CHN2: variants seen among roughly 807,000 people sequenced by gnomAD.
CHN2 encodes the protein beta-chimaerin.
CHN2 carries 35 observed loss-of-function variants against 56.3 expected under a neutral mutation model. That is an observed-to-expected ratio of 0.62 (90% CI 0.47 to 0.82). The LOEUF (loss-of-function observed/expected upper bound fraction) is 0.82, where lower values mean the gene tolerates loss of function less well. CHN2 is among the 40% of genes least tolerant of loss of function. CHN2 has a pLI of 0.00. For missense variants in CHN2, 491 were observed against 580.5 expected, an observed-to-expected ratio of 0.85 and a Z score of 1.58; for synonymous variants, 210 against 212.8, an observed-to-expected ratio of 0.99 and a Z score of 0.12.
At chr7:29,351,603 G>A (rs781160017) in intron 1 of CHN2, among the ~76,000 whole-genome samples, 33 of 152,210 alleles carry the variant, frequency 2.2e-4, no homozygotes, top group Non-Finnish European at 4.1e-4. Flanking sequence ...AGCCCTATGC[G>A]ATGGAGCCAG....
chr7:29,385,538 A>G (rs150893102), intron 3 of CHN2, among the ~76,000 whole-genome samples: 3 of 152,316 alleles, frequency 2.0e-5, no homozygotes, highest in African/African-American at 7.2e-5. Context: ...GGGACCTGGT[A>G]TGCTAAGGAC....
At chr7:29,334,346 C>G (rs1796454297) in intron 1 of CHN2, among the ~76,000 whole-genome samples, 2 of 152,136 alleles carry the variant, frequency 1.3e-5, no homozygotes, top group South Asian at 4.1e-4. Context: ...TTCATAGTGA[C>G]TATTTTACCC....
chr7:29,442,308 G>C (rs1783705031), intron 6 of CHN2, among the ~76,000 whole-genome samples: 1 of 152,166 alleles, frequency 6.6e-6, no homozygotes, highest in African/African-American at 2.4e-5. Flanking sequence ...TGCATCTCAG[G>C]TTACAGTGGC....
intron 3 of CHN2, among the ~76,000 whole-genome samples, chr7:29,378,708 G>A (rs1448011126): frequency 6.6e-6 from 1 of 152,248 alleles, no homozygotes; most frequent in African/African-American, 2.4e-5. Flanking sequence ...GCTCATGCCT[G>A]TAATCCCAGC....
Position 29,318,493 on chromosome 7 carries a change from A to T in CHN2, c.50-36132A>T, listed in dbSNP as rs138463471. Among the ~76,000 whole-genome samples the T allele has an allele frequency of 6.9e-4, 105 of 152,244 alleles. 1 individual carries two copies. The highest frequency in any genetic ancestry group is 7.7e-4 in the East Asian group (4 of 5,170). On this transcript the variant is annotated intron_variant, in intron 1 of 12. Transcript: ENST00000222792. ...GCCATGTGGAATTCATCCAGGCCTG[A>T]GGGGGCTGCTGAGCCTGTCCTGGGA... is the stretch of plus-strand genomic sequence containing the variant.
chr7:29,437,973 G>A (rs2128121315), intron 6 of CHN2, among the ~76,000 whole-genome samples: 1 of 152,298 alleles, frequency 6.6e-6, no homozygotes, highest in African/African-American at 2.4e-5. Flanking sequence ...TGGATTTCTA[G>A]ATGATACTTT....
At chr7:29,398,251 T>C (rs7799981) in intron 4 of CHN2, 122 bp from the exon 5 acceptor site, 618,332 of 685,106 alleles carry the variant, frequency 0.9, 279,661 homozygotes, top group Non-Finnish European at 0.93. Context: ...GTCACCCCCC[T>C]TCTTCACTCA....
At chr7:29,442,786 T>C (rs898209676) in intron 6 of CHN2, among the ~76,000 whole-genome samples, 5 of 152,198 alleles carry the variant, frequency 3.3e-5, no homozygotes, top group Admixed American at 1.3e-4. Context: ...ATATTGTCAC[T>C]GATACTGCAT....
chr7:29,463,989 A>G (rs531765007), intron 6 of CHN2, among the ~76,000 whole-genome samples: 2 of 152,348 alleles, frequency 1.3e-5, no homozygotes, highest in South Asian at 4.2e-4. Flanking sequence ...CTCACCTCAT[A>G]GAAGAAAAAG....
intron 6 of CHN2, among the ~76,000 whole-genome samples, chr7:29,407,491 G>T (rs1388383545): frequency 6.6e-6 from 1 of 152,150 alleles, no homozygotes; most frequent in Non-Finnish European, 1.5e-5. Context: ...AGCTGGAAAA[G>T]ATCACTTGCA....
At chr7:29,319,004 G>C (rs1174842122) in intron 1 of CHN2, among the ~76,000 whole-genome samples, 2 of 152,182 alleles carry the variant, frequency 1.3e-5, no homozygotes, top group Admixed American at 6.5e-5. Context: ...AAGCTGACTT[G>C]TTCTCCACTC....
At chr7:29,459,568 T>C (rs1785002794) in intron 6 of CHN2, among the ~76,000 whole-genome samples, 2 of 152,202 alleles carry the variant, frequency 1.3e-5, no homozygotes, top group African/African-American at 2.4e-5. Flanking sequence ...TGTTTCATTG[T>C]CCAGGGTGGG....
At chr7:29,158,730 TGC>T (rs1794770997) in intron 2 of CHN2, among the ~76,000 whole-genome samples, 1 of 152,226 alleles carries the variant, frequency 6.6e-6, no homozygotes, top group South Asian at 2.1e-4. Flanking sequence ...CTGGAGATTT[TGC>T]TTGTTCTTTT....
At chr7:29,186,735 C>G (rs566069903) in intron 2 of CHN2, among the ~76,000 whole-genome samples, 1 of 152,198 alleles carries the variant, frequency 6.6e-6, no homozygotes, top group South Asian at 2.1e-4. Context: ...CAGGAAAATA[C>G]TTACCATAAC....
intron 6 of CHN2, among the ~76,000 whole-genome samples, chr7:29,415,732 A>AT (rs1344794334): frequency 6.6e-5 from 10 of 152,142 alleles, no homozygotes; most frequent in African/African-American, 2.4e-4. Flanking sequence ...CTGCAGTGTG[A>AT]TTTTTAGAAG....
chr7:29,350,832 G>A lies in CHN2; in HGVS notation c.50-3793G>A, dbSNP rs1254792596. Reference sequence around the variant, plus strand: ...CTCATTTAATTCCCACAATGCGGCCGGGCGAGGTGGCTCACGCCTGTAATC... The same window carrying A: ...CTCATTTAATTCCCACAATGCGGCCAGGCGAGGTGGCTCACGCCTGTAATC... On this transcript the variant is annotated intron_variant, in intron 1 of 12. Coordinates refer to ENST00000222792, the MANE Select transcript of CHN2 (RefSeq NM_004067.4). Among the ~76,000 whole-genome samples, 7 of 152,262 alleles carry A rather than the reference G, an allele frequency of 4.6e-5. No homozygotes were observed. The South Asian group carries it at 1.0e-3, about 23-fold the overall frequency.
intron 2 of CHN2, among the ~76,000 whole-genome samples, chr7:29,171,686 AG>A (rs1796627427): frequency 6.6e-6 from 1 of 152,214 alleles, no homozygotes; most frequent in South Asian, 2.1e-4. Flanking sequence ...CAGTTGTTGC[AG>A]GCTAAATCCA....
chr7:29,199,214 G>T (rs1475639077), intron 1 of CHN2, among the ~76,000 whole-genome samples: 1 of 152,304 alleles, frequency 6.6e-6, no homozygotes. Flanking sequence ...CAGTAACGTA[G>T]ATAAGTCTTC....
rs974848725 is a variant in CHN2 at position 29,437,373 on chromosome 7, C to A, written c.576+36545C>A. The stretch of plus-strand genomic sequence containing the variant: ...CAGCACTTTGGGAGGCCGAGGCGGG[C>A]GGATCACGAGGTCAGGAGATCGAGA... On this transcript the variant is annotated intron_variant, in intron 6 of 12. Transcript: ENST00000222792. Among the ~76,000 whole-genome samples, 3 of 84,842 alleles carry A rather than the reference C, an allele frequency of 3.5e-5. 1 individual carries two copies. The highest frequency in any genetic ancestry group is 7.0e-5 in the Non-Finnish European group (3 of 42,654). The allele number at this position is 84,842 out of a possible 152,430, so 55.7% of individuals were successfully genotyped here. A position where few individuals can be genotyped will look rare whatever the true frequency, so the allele number is the denominator to read the frequency against.
Sources: allele counts gnomAD v4.1 joint callset (sites outside exome capture counted in the v4.1 genomes callset), GRCh38; gene constraint gnomAD v4.1.1; transcripts MANE v1.5; gene names NCBI Gene and HGNC (gene_info 2026-07-23, HGNC 2026-07-21).